Variants in SMAD5 observed in about 807,000 individuals in gnomAD.
SMAD5 encodes the protein MAD, mothers against decapentaplegic homolog 5.
SMAD5 carries 9 observed loss-of-function variants against 43.1 expected under a neutral mutation model. That is an observed-to-expected ratio of 0.21 (90% CI 0.13 to 0.36). The LOEUF (loss-of-function observed/expected upper bound fraction) is 0.36. Ranked by LOEUF, SMAD5 falls within the 10% of genes least tolerant of loss-of-function variation. SMAD5 has a pLI of 1.00. For missense variants in SMAD5, 348 were observed against 574.0 expected, an observed-to-expected ratio of 0.61 and a Z score of 4.02; for synonymous variants, 190 against 192.4, an observed-to-expected ratio of 0.99 and a Z score of 0.10.
chr5:136,165,679 T>A lies in SMAD5; in HGVS notation c.775+2288T>A, dbSNP rs906560946. 3.5e-3 allele frequency among the ~76,000 whole-genome samples: 484 copies of A among 140,236 alleles called. 12 individuals carry two copies. Among genetic ancestry groups the A allele is most frequent in the African/African-American group, 9.1e-3 (343 of 37,688 alleles). The allele number at this position is 140,236 out of a possible 152,430, so 92.0% of individuals were successfully genotyped here. ...ATCATACAATTTTTTTTTTTTTTTT[T>A]TTTTTTTTTTTTTTTTTTTTGTGAC... On this transcript the variant is annotated intron_variant, in intron 5 of 7. Coordinates refer to ENST00000545279, the MANE Select transcript of SMAD5 (RefSeq NM_005903.7).
chr5:136,156,865 A>G (rs1753655300), intron 3 of SMAD5, among the ~76,000 whole-genome samples: 2 of 152,204 alleles, frequency 1.3e-5, no homozygotes, highest in Admixed American at 1.3e-4. Context: ...TAGTTCAACT[A>G]TTGGAAAGAG....
In SMAD5 at chr5:136,182,538, C is replaced by T. The variant is rs936645819; in HGVS notation, c.*5058C>T. The T allele has an allele frequency of 1.3e-5, 2 of 152,524 alleles. No individual in the cohort carries two copies. The highest frequency in any genetic ancestry group is 4.8e-5 in the African/African-American group (2 of 41,402). The allele number at this position is 152,524 out of a possible 1,614,324, so 9.4% of individuals were successfully genotyped here. A position where few individuals can be genotyped will look rare whatever the true frequency, so the allele number is the denominator to read the frequency against. On this transcript the variant is annotated 3_prime_UTR_variant, in exon 8 of 8. Transcript: ENST00000545279. ...TAGTGGCTGCACTGTAGGTCTGCTG[C>T]TTATTTGTATTTGTTGTGCTTCTGT... is the stretch of plus-strand genomic sequence containing the variant.
At chr5:136,150,145 T>C (rs1052402668) in intron 2 of SMAD5, among the ~76,000 whole-genome samples, 3 of 151,850 alleles carry the variant, frequency 2.0e-5, no homozygotes, top group Non-Finnish European at 4.4e-5. Flanking sequence ...TTCTTTTCAC[T>C]CTGTTGCAAA....
At chr5:136,166,516 A>G (rs1025902373) in intron 5 of SMAD5, among the ~76,000 whole-genome samples, 2 of 152,178 alleles carry the variant, frequency 1.3e-5, no homozygotes, top group African/African-American at 4.8e-5. Flanking sequence ...TACCATAAAA[A>G]TGGAACATGA....
At chr5:136,169,054 CA>C (rs1561656122) in intron 5 of SMAD5, among the ~76,000 whole-genome samples, 1 of 152,114 alleles carries the variant, frequency 6.6e-6, no homozygotes, top group Non-Finnish European at 1.5e-5. Flanking sequence ...ACAAGGAAGC[CA>C]GGGGTGGATC....
rs60311104 is a variant in SMAD5 at position 136,176,457 on chromosome 5, C to CAAAAAAAAA, written c.1255-862_1255-854dup. Among the ~76,000 whole-genome samples, 176 of 68,502 alleles carry CAAAAAAAAA rather than the reference C, an allele frequency of 2.6e-3. 2 individuals are homozygous for CAAAAAAAAA. The highest frequency in any genetic ancestry group is 8.2e-3 in the African/African-American group (170 of 20,614). The allele number at this position is 68,502 out of a possible 152,430, so 44.9% of individuals were successfully genotyped here. A position where few individuals can be genotyped will look rare whatever the true frequency, so the allele number is the denominator to read the frequency against. ...GCAACAAGAGAGAAACTCTGTCTCA[C>CAAAAAAAAA]AAAAAAAAAAAAAAAAAAAAAAAAA... On this transcript the variant is annotated intron_variant, in intron 7 of 7. Coordinates refer to ENST00000545279, the MANE Select transcript of SMAD5 (RefSeq NM_005903.7).
intron 1 of SMAD5, among the ~76,000 whole-genome samples, chr5:136,136,608 C>T (rs1015358283): frequency 6.6e-6 from 1 of 152,128 alleles, no homozygotes; most frequent in Non-Finnish European, 1.5e-5. Context: ...ATCTCATAGG[C>T]CACCTTAATA....
intron 5 of SMAD5, among the ~76,000 whole-genome samples, chr5:136,168,373 C>T (rs753842540): frequency 2.0e-5 from 3 of 149,080 alleles, no homozygotes; most frequent in African/African-American, 7.6e-5. Flanking sequence ...CTCTATTTAC[C>T]CAAAGATAAT....
At chr5:136,152,778 GT>G (rs1341026377) in intron 2 of SMAD5, 2 of 152,400 alleles carry the variant, frequency 1.3e-5, no homozygotes, top group Non-Finnish European at 2.9e-5. Flanking sequence ...ACTGAGCCTG[GT>G]TTTTACCAGC....
Position 136,169,913 on chromosome 5 carries a change from A to G in SMAD5, c.776-2521A>G, listed in dbSNP as rs965782234. The stretch of plus-strand genomic sequence containing the variant: ...CACATGCTTACTTGACCAATCTGTG[A>G]GTCTGTGGTGGGCTCCCTACTCATA... On this transcript the variant is annotated intron_variant, in intron 5 of 7. Transcript: ENST00000545279. Among the ~76,000 whole-genome samples the G allele has an allele frequency of 3.1e-4, 47 of 152,162 alleles. 1 individual carries two copies. Among genetic ancestry groups the G allele is most frequent in the African/African-American group, 1.1e-3 (44 of 41,434 alleles).
At chr5:136,138,382 G>A (rs1489981425) in intron 1 of SMAD5, among the ~76,000 whole-genome samples, 1 of 152,184 alleles carries the variant, frequency 6.6e-6, no homozygotes, top group African/African-American at 2.4e-5. Flanking sequence ...TGATTTAAAT[G>A]TTTCTCTGTG....
chr5:136,151,156 C>G (rs1037308152), intron 2 of SMAD5, among the ~76,000 whole-genome samples: 2 of 151,806 alleles, frequency 1.3e-5, no homozygotes, highest in Non-Finnish European at 2.9e-5. Flanking sequence ...GGACACTATT[C>G]TAGGTCCAGG....
At chr5:136,155,632 G>A (rs1753609588) in intron 3 of SMAD5, among the ~76,000 whole-genome samples, 1 of 152,180 alleles carries the variant, frequency 6.6e-6, no homozygotes, top group African/African-American at 2.4e-5. Context: ...CCTTGGACTT[G>A]CCATACTCCT....
chr5:136,169,921 G>C (rs1259445231), intron 5 of SMAD5, among the ~76,000 whole-genome samples: 2 of 152,118 alleles, frequency 1.3e-5, no homozygotes, highest in African/African-American at 4.8e-5. Flanking sequence ...TGAGTCTGTG[G>C]TGGGCTCCCT....
intron 2 of SMAD5, among the ~76,000 whole-genome samples, 162 bp from the exon 3 acceptor site, chr5:136,153,430 C>T (rs113178900): frequency 3.0e-4 from 45 of 152,108 alleles, no homozygotes; most frequent in African/African-American, 1.0e-3. Flanking sequence ...GGGAAGGAAT[C>T]GAGTGGTCAC....
chr5:136,161,242 A>G, intron 4 of SMAD5, 135 bp downstream of exon 4: 1 of 789,470 alleles, frequency 1.3e-6, no homozygotes, highest in Non-Finnish European at 2.0e-6. Flanking sequence ...TCTTTAGGTA[A>G]TTGTTTGATT....
At chr5:136,134,405 C>T (rs1752804296) in intron 1 of SMAD5, 1 of 152,120 alleles carries the variant, frequency 6.6e-6, no homozygotes, top group Non-Finnish European at 1.5e-5. Context: ...ACCTTAGTCC[C>T]AGTAGGTTTA....
At position 136,132,958 on chromosome 5, in the gene SMAD5, C is replaced by G. The variant is rs998105216; in HGVS notation, c.-249C>G. On this transcript the variant is annotated 5_prime_UTR_variant, in exon 1 of 8. Transcript: ENST00000545279. Reference sequence around the variant, plus strand: ...GTCGGGAGAGCGCGCCTAGCCGGCTCGCGAGTGAGTGAGGGTCCCCGGCGC... The same window carrying G: ...GTCGGGAGAGCGCGCCTAGCCGGCTGGCGAGTGAGTGAGGGTCCCCGGCGC... 4 of 152,224 alleles carry G rather than the reference C, an allele frequency of 2.6e-5. No homozygotes were observed. Among genetic ancestry groups the G allele is most frequent in the African/African-American group, 4.8e-5 (2 of 41,454 alleles). The allele number at this position is 152,224 out of a possible 1,614,324, so 9.4% of individuals were successfully genotyped here. A position where few individuals can be genotyped will look rare whatever the true frequency, so the allele number is the denominator to read the frequency against.
chr5:136,138,506 TCTC>T (rs1236933356), intron 1 of SMAD5, among the ~76,000 whole-genome samples: 3 of 152,276 alleles, frequency 2.0e-5, no homozygotes, highest in East Asian at 1.9e-4. Context: ...TTGGTTTCCT[TCTC>T]CTCTCTGCGT....
Sources: allele counts gnomAD v4.1 joint callset (sites outside exome capture counted in the v4.1 genomes callset), GRCh38; gene constraint gnomAD v4.1.1; transcripts MANE v1.5; gene names NCBI Gene and HGNC (gene_info 2026-07-23, HGNC 2026-07-21).